LMNTD1: variants seen among roughly 807,000 people sequenced by gnomAD.
LMNTD1 encodes the protein lamin tail domain-containing protein 1.
Under a neutral mutation model 50.9 loss-of-function variants are expected in LMNTD1, and 35 were observed. The ratio of observed to expected loss-of-function variants is 0.69; its 90% CI spans 0.53 to 0.91. The LOEUF (loss-of-function observed/expected upper bound fraction) is 0.91, where lower values mean the gene tolerates loss of function less well. LMNTD1 is among the 40% of genes least tolerant of loss of function. The pLI, the probability that LMNTD1 is intolerant of heterozygous loss-of-function variation, is 0.00. For synonymous variants in LMNTD1, 153 were observed against 161.9 expected (o/e 0.94, Z 0.42); for missense variants, 470 against 475.5 (o/e 0.99, Z 0.11).
chr12:25,532,432 T>C (rs567907310), intron 4 of LMNTD1, among the ~76,000 whole-genome samples: 104 of 152,296 alleles, frequency 6.8e-4, no homozygotes, highest in South Asian at 2.7e-3. Flanking sequence ...AAATGCCAAC[T>C]TTTATTCACC....
intron 1 of LMNTD1, among the ~76,000 whole-genome samples, chr12:25,589,673 G>A (rs762590590): frequency 2.6e-5 from 4 of 152,142 alleles, no homozygotes; most frequent in Non-Finnish European, 5.9e-5. Flanking sequence ...TTGTTTTGAT[G>A]CTCCAGACCA....
chr12:25,561,009 T>C (rs185703639), intron 1 of LMNTD1, among the ~76,000 whole-genome samples: 21 of 152,338 alleles, frequency 1.4e-4, no homozygotes, highest in Admixed American at 3.3e-4. Flanking sequence ...CTTTTCCTAA[T>C]TGAATACCCT....
At position 25,552,996 on chromosome 12, in the gene LMNTD1, A is replaced by C; in HGVS notation, c.-30-7T>G. 6.2e-7 allele frequency: 1 copy of C among 1,610,670 alleles called. No individual in the cohort carries two copies. The highest frequency in any genetic ancestry group is 8.5e-7 in the Non-Finnish European group (1 of 1,177,220). On this transcript the variant is annotated splice_region_variant and splice_polypyrimidine_tract_variant and intron_variant, in intron 1 of 9. Coordinates refer to ENST00000458174, the MANE Select transcript of LMNTD1 (RefSeq NM_001145728.2). ...AAGAAGTCTCTTTTCTTTCCTAGGAAAGCAGATCATGACATCAGATGACGA... is the reference window on the plus strand; with the variant it reads ...AAGAAGTCTCTTTTCTTTCCTAGGACAGCAGATCATGACATCAGATGACGA...
chr12:25,508,983 C>T (rs1361234003), intron 8 of LMNTD1, among the ~76,000 whole-genome samples: 1 of 152,004 alleles, frequency 6.6e-6, no homozygotes, highest in African/African-American at 2.4e-5. Flanking sequence ...TTATAACCAG[C>T]CTTGCATTCC....
At chr12:25,590,638 AC>A (rs1244179600) in intron 1 of LMNTD1, among the ~76,000 whole-genome samples, 4 of 151,884 alleles carry the variant, frequency 2.6e-5, no homozygotes, top group African/African-American at 9.7e-5. Context: ...TTAAAAACAG[AC>A]CCCTTGCCTC....
At chr12:25,636,154 A>T (rs375201884) in intron 1 of LMNTD1, among the ~76,000 whole-genome samples, 27 of 152,330 alleles carry the variant, frequency 1.8e-4, no homozygotes, top group African/African-American at 6.0e-4. Context: ...TAAACTAAAG[A>T]GCTTTTGCAC....
intron 9 of LMNTD1, among the ~76,000 whole-genome samples, chr12:25,479,355 T>C (rs1203848078): frequency 6.6e-6 from 1 of 152,204 alleles, no homozygotes; most frequent in Non-Finnish European, 1.5e-5. Context: ...TTCTACCCCT[T>C]GATTCCTAGC....
At chr12:25,519,713 G>A in intron 7 of LMNTD1, 145 bp downstream of exon 7, 1 of 597,036 alleles carries the variant, frequency 1.7e-6, no homozygotes, top group Admixed American at 3.0e-5. Context: ...TTTCCTATGA[G>A]TTCTATTCAA....
intron 3 of LMNTD1, among the ~76,000 whole-genome samples, chr12:25,548,247 A>G (rs1943552178): frequency 6.6e-6 from 1 of 151,882 alleles, no homozygotes; most frequent in Non-Finnish European, 1.5e-5. Flanking sequence ...TTTTTTTAAA[A>G]TATCAGAAAC....
At chr12:25,593,233 A>G (rs1343785741) in intron 1 of LMNTD1, among the ~76,000 whole-genome samples, 1 of 152,088 alleles carries the variant, frequency 6.6e-6, no homozygotes, top group Non-Finnish European at 1.5e-5. Flanking sequence ...GAAAGCTCCA[A>G]TCCTGGCAAG....
intron 1 of LMNTD1, among the ~76,000 whole-genome samples, chr12:25,583,200 TG>T (rs1945380430): frequency 6.7e-6 from 1 of 148,654 alleles, no homozygotes; most frequent in Non-Finnish European, 1.5e-5. Flanking sequence ...TTTTTTTTTT[TG>T]TATTTTTAGT....
intron 1 of LMNTD1, among the ~76,000 whole-genome samples, chr12:25,632,410 C>A (rs1001423793): frequency 3.3e-5 from 5 of 152,114 alleles, no homozygotes; most frequent in Non-Finnish European, 7.3e-5. Flanking sequence ...CACCAGGTAA[C>A]CTATAAAGGA....
intron 9 of LMNTD1, among the ~76,000 whole-genome samples, chr12:25,482,889 C>T (rs1938489179): frequency 6.6e-6 from 1 of 151,892 alleles, no homozygotes; most frequent in African/African-American, 2.4e-5. Flanking sequence ...AGAATGCTGT[C>T]GGGCCGCAGT....
chr12:25,608,487 T>A (rs1486390871), intron 1 of LMNTD1, among the ~76,000 whole-genome samples: 2 of 152,210 alleles, frequency 1.3e-5, no homozygotes, highest in African/African-American at 4.8e-5. Flanking sequence ...TTCTTTTCCA[T>A]GTTTAGTGCT....
intron 9 of LMNTD1, among the ~76,000 whole-genome samples, chr12:25,481,028 C>T (rs796496121): frequency 2.0e-5 from 3 of 152,276 alleles, no homozygotes; most frequent in African/African-American, 7.2e-5. Flanking sequence ...CCCATACTCA[C>T]TGGTCCCAGT....
At chr12:25,501,280 T>A (rs192006588) in intron 9 of LMNTD1, among the ~76,000 whole-genome samples, 98 of 152,298 alleles carry the variant, frequency 6.4e-4, no homozygotes, top group Non-Finnish European at 9.9e-4. Context: ...TGTGAGCCAC[T>A]GTGCCCAGCC....
intron 1 of LMNTD1, among the ~76,000 whole-genome samples, chr12:25,608,429 G>A (rs1382635752): frequency 2.0e-5 from 3 of 152,190 alleles, no homozygotes; most frequent in East Asian, 1.9e-4. Flanking sequence ...TCCTAGCATC[G>A]ATGGTCTTTA....
rs528434284 is a variant in LMNTD1, at chr12:25,574,724, C to T, written c.59-28170G>A. 2.8e-4 allele frequency among the ~76,000 whole-genome samples: 43 copies of T among 152,156 alleles called. No individual in the cohort carries two copies. The Middle Eastern group carries it at 0.01, about 36-fold the overall frequency. ...TTGTGTATGCCTTATCTAATCATAA[C>T]GGGTCCTAAGCTCCCTGCGGTCATG... On this transcript the variant is annotated intron_variant, in intron 1 of 7. Coordinates refer to the LMNTD1 transcript ENST00000445693.
chr12:25,576,931 C>T (rs950924657), intron 1 of LMNTD1, among the ~76,000 whole-genome samples: 4 of 152,110 alleles, frequency 2.6e-5, no homozygotes, highest in African/African-American at 9.7e-5. Context: ...TTTCCCAGCA[C>T]CATTTATTAA....
Sources: gnomAD v4.1 joint callset for allele counts (sites outside exome capture counted in the v4.1 genomes callset) on GRCh38, gnomAD v4.1.1 for gene constraint, MANE v1.5 for transcripts, NCBI Gene and HGNC (gene_info 2026-07-23, HGNC 2026-07-21) for gene names.